The following HASPIN variants were observed in gnomAD, a reference collection of about 807,000 sequenced individuals.
The protein encoded by HASPIN is histone H3 associated protein kinase, also known as serine/threonine-protein kinase haspin.
A neutral mutation model predicts 28.8 loss-of-function variants in HASPIN; 24 were observed. The ratio of observed to expected loss-of-function variants is 0.83; its 90% CI spans 0.60 to 1.17. The LOEUF (loss-of-function observed/expected upper bound fraction) is 1.17, where lower values mean the gene tolerates loss of function less well. HASPIN is among the 50% of genes most tolerant of loss of function. The pLI is 0.00. For missense variants in HASPIN, 1,016 were observed against 1,018.5 expected, an observed-to-expected ratio of 1.00 and a Z score of 0.03; for synonymous variants, 440 against 413.1, an observed-to-expected ratio of 1.07 and a Z score of -0.79.
rs763631141 is a variant in HASPIN at position 3,726,607 on chromosome 17, C to G, written c.*275C>G. ...ACTCGGGAGGCTGAGGCAGGAGGAT[C>G]GCTTGAGCCCAAGAGTTCATATCTA... On this transcript the variant is annotated 3_prime_UTR_variant, in exon 1 of 1. Coordinates refer to ENST00000325418, the MANE Select transcript of HASPIN (RefSeq NM_031965.2). The G allele has an allele frequency of 1.5e-5, 6 of 402,146 alleles. No homozygotes were observed. In the East Asian group the frequency reaches 2.5e-4, roughly 17 times the overall value. The allele number at this position is 402,146 out of a possible 1,614,324, so 24.9% of individuals were successfully genotyped here.
Position 3,724,951 on chromosome 17 carries a change from A to G in HASPIN, c.1016A>G (p.Lys339Arg), listed in dbSNP as rs746776381. 7.4e-6 allele frequency: 12 copies of G among 1,613,890 alleles called. No individual in the cohort carries two copies. Among genetic ancestry groups the G allele is most frequent in the Non-Finnish European group, 1.0e-5 (12 of 1,179,868 alleles). Residue 339 changes from lysine (K) to arginine (R), a missense_variant, in exon 1 of 1, where the codon AAG becomes AGG. Around this residue, in one of 3 missense-constraint regions of HASPIN, gnomAD observed 881 missense variants for 845.5 expected, o/e 1.04. Coordinates refer to ENST00000325418, the MANE Select transcript of HASPIN (RefSeq NM_031965.2). ...DRLERTRSSRKSKHQEATETS... is the reference protein window; with the variant it reads ...DRLERTRSSRRSKHQEATETS... ...CTGGAGAGAACTAGATCAAGCCGGA[A>G]GAGCAAACATCAGGAGGCAACGGAA... is the stretch of plus-strand genomic sequence containing the variant.
chr17:3,725,540 GATC>G lies in HASPIN; in HGVS notation c.1612_1614del (p.Ile538del), dbSNP rs775508010. 2.5e-6 allele frequency: 4 copies of G among 1,614,238 alleles called. No individual in the cohort carries two copies. The highest frequency in any genetic ancestry group is 1.1e-5 in the South Asian group (1 of 91,078). ...AAACCTTTGAGGAAATCCTGCCAGA[GATC>G]ATCATCTCCAAAGAGTTGAGCCTCT... is the stretch of plus-strand genomic sequence containing the variant. On this transcript the variant is annotated inframe_deletion, in exon 1 of 1. Transcript: ENST00000325418.
At position 3,724,898 on chromosome 17, in the gene HASPIN, C is replaced by T. The variant is rs752198277; in HGVS notation, c.963C>T (p.Gly321=). The T allele has an allele frequency of 3.7e-6, 6 of 1,613,500 alleles. No homozygotes were observed. The highest frequency in any genetic ancestry group is 1.1e-5 in the South Asian group (1 of 91,010). The change falls in exon 1 of 1, where the codon GGC becomes GGT. Residue 321 remains glycine, a synonymous_variant. Transcript: ENST00000325418. The part of the protein sequence containing the change: ...REHQEASVPK[G]RIVPRGIDRL... ...ATCAGGAGGCCAGTGTTCCCAAGGG[C>T]CGCATTGTGCCAAGGGGAATAGACA...
Position 3,725,784 on chromosome 17 carries a change from A to T in HASPIN, c.1849A>T (p.Thr617Ser). ...AGGGATTGACTTAGAGCAAATGCGA[A>T]CCAAGTTGTCTTCCTTGGCTACTGC... ...FGGIDLEQMR[T>S]KLSSLATAKS... The change falls in exon 1 of 1, where the codon ACC becomes TCC. Residue 617 changes from threonine to serine, a missense_variant. Around this residue, in one of 3 missense-constraint regions of HASPIN, gnomAD observed 881 missense variants for 845.5 expected, o/e 1.04. Coordinates refer to ENST00000325418, the MANE Select transcript of HASPIN (RefSeq NM_031965.2). 6.2e-7 allele frequency: 1 copy of T among 1,603,942 alleles called. No individual in the cohort carries two copies. Among genetic ancestry groups the T allele is most frequent in the Non-Finnish European group, 8.5e-7 (1 of 1,173,386 alleles).
rs865794244 is a variant in HASPIN at position 3,724,570 on chromosome 17, T to G, written c.635T>G (p.Leu212Arg). The change falls in exon 1 of 1, where the codon CTG becomes CGG. Residue 212 changes from leucine to arginine, a missense_variant. Coordinates refer to ENST00000325418, the MANE Select transcript of HASPIN (RefSeq NM_031965.2). ...GGCCTCCACCTCCCAGAAGTCTCCC[T>G]GGACCGAGCATCTCTCCCCTGCTCC... is the stretch of plus-strand genomic sequence containing the variant. Reference protein sequence around the residue: ...PSGLHLPEVSLDRASLPCSQE... With the variant: ...PSGLHLPEVSRDRASLPCSQE... 2.5e-6 allele frequency: 4 copies of G among 1,614,012 alleles called. No individual in the cohort carries two copies. In the African/African-American group the frequency reaches 4.0e-5, roughly 16 times the overall value.
Position 3,725,710 on chromosome 17 carries a change from AT to A in HASPIN, c.1782del (p.Phe594LeufsTer19), listed in dbSNP as rs1199479648. On this transcript the variant is annotated frameshift_variant, in exon 1 of 1. Transcript: ENST00000325418. LOFTEE classifies it high-confidence loss of function. The stretch of plus-strand genomic sequence containing the variant: ...AAAGGCTCTGCAAATGACCGGCCTG[AT>A]TTTTTTAAAGACGACCAGCTCTTCA... Reference protein sequence around the residue: ...STKGSANDRPDFFKDDQLFIV... With the variant: ...STKGSANDRPXFFKDDQLFIV... 3.2e-6 allele frequency: 5 copies of A among 1,574,142 alleles called. No individual in the cohort carries two copies. The highest frequency in any genetic ancestry group is 1.8e-5 in the Admixed American group (1 of 54,116).
chr17:3,723,950 C>T lies in HASPIN; in HGVS notation c.15C>T (p.Leu5=). The change falls in exon 1 of 1, where the codon CTC becomes CTT. Residue 5 remains leucine (L), a synonymous_variant. Coordinates refer to ENST00000325418, the MANE Select transcript of HASPIN (RefSeq NM_031965.2). ...GGGTGCCGGCCATGGCGGCTTCGCT[C>T]CCGGGACCTGGGAGCCGGCTTTTCC... MAAS[L]PGPGSRLFRT... The T allele has an allele frequency of 1.9e-6, 3 of 1,561,368 alleles. No individual in the cohort carries two copies. The highest frequency in any genetic ancestry group is 2.6e-6 in the Non-Finnish European group (3 of 1,153,014).
At position 3,726,001 on chromosome 17, in the gene HASPIN, C is replaced by A; in HGVS notation, c.2066C>A (p.Thr689Asn). The change falls in exon 1 of 1, where the codon ACC (threonine) becomes AAC (asparagine). Residue 689 changes from threonine (T) to asparagine (N), a missense_variant. Transcript: ENST00000325418. ...CGLQVSIIDY[T>N]LSRLERDGIV... ...TTGCAAGTGAGCATCATTGACTACACCCTGTCGCGCTTGGAACGGGATGGG... is the reference window on the plus strand; with the variant it reads ...TTGCAAGTGAGCATCATTGACTACAACCTGTCGCGCTTGGAACGGGATGGG... The A allele has an allele frequency of 1.2e-6, 2 of 1,613,958 alleles. No individual in the cohort carries two copies. The highest frequency in any genetic ancestry group is 8.5e-7 in the Non-Finnish European group (1 of 1,180,034).
At position 3,724,130 on chromosome 17, in the gene HASPIN, T is replaced by TCCCGACGAC; in HGVS notation, c.202_210dup (p.Asp68_Asp70dup). 1 of 1,594,696 alleles carries TCCCGACGAC rather than the reference T, an allele frequency of 6.3e-7. No homozygotes were observed. Among genetic ancestry groups the TCCCGACGAC allele is most frequent in the Non-Finnish European group, 8.5e-7 (1 of 1,177,522 alleles). ...CCTCGCAGTCCGACGATCCTGACGA[T>TCCCGACGAC]CCCGACGACCCCGACTTCCCCGGCA... On this transcript the variant is annotated inframe_insertion, in exon 1 of 1. Coordinates refer to ENST00000325418, the MANE Select transcript of HASPIN (RefSeq NM_031965.2).
rs781098300 is a variant in HASPIN, at chr17:3,724,963, A to G, written c.1028A>G (p.Gln343Arg). ...AGATCAAGCCGGAAGAGCAAACATC[A>G]GGAGGCAACGGAAACCTCTCTCCTC... ...RTRSSRKSKH[Q>R]EATETSLLHS... The change falls in exon 1 of 1, where the codon CAG (glutamine) becomes CGG (arginine). Residue 343 changes from glutamine to arginine, a missense_variant. Transcript: ENST00000325418. 6 of 1,614,176 alleles carry G rather than the reference A, an allele frequency of 3.7e-6. No individual in the cohort carries two copies. The highest frequency in any genetic ancestry group is 4.2e-6 in the Non-Finnish European group (5 of 1,180,042).
rs2143008073 is a variant in HASPIN, at chr17:3,724,353, A to C, written c.418A>C (p.Ser140Arg). Residue 140 changes from serine (S) to arginine (R), a missense_variant, in exon 1 of 1, where the codon AGC becomes CGC. By Grantham distance (110) the Ser-to-Arg change is moderately radical (BLOSUM62 -1). This residue lies in a region of HASPIN where 881 missense variants were observed against 845.5 expected (regional missense o/e 1.04). Coordinates refer to ENST00000325418, the MANE Select transcript of HASPIN (RefSeq NM_031965.2). ...CCCGCTCCGACTTCCGCCCTTCCCCAGCCGCGACTCCGGCCGCCTCAGCCC... is the reference window on the plus strand; with the variant it reads ...CCCGCTCCGACTTCCGCCCTTCCCCCGCCGCGACTCCGGCCGCCTCAGCCC... ...CGPLRLPPFP[S>R]RDSGRLSPDL... The C allele has an allele frequency of 6.3e-7, 1 of 1,599,690 alleles. No homozygotes were observed. Among genetic ancestry groups the C allele is most frequent in the African/African-American group, 1.3e-5 (1 of 74,720 alleles).
rs1253028706 is a variant in HASPIN at position 3,725,698 on chromosome 17, A to G, written c.1763A>G (p.Asn588Ser). The change falls in exon 1 of 1, where the codon AAT becomes AGT. Residue 588 changes from asparagine to serine, a missense_variant. Physicochemically the swap from Asn to Ser is conservative, Grantham distance 46 (BLOSUM62 1). Coordinates refer to ENST00000325418, the MANE Select transcript of HASPIN (RefSeq NM_031965.2). ...TATAATTCAACCAAAGGCTCTGCAA[A>G]TGACCGGCCTGATTTTTTTAAAGAC... The part of the protein sequence containing the change: ...DHYNSTKGSA[N>S]DRPDFFKDDQ... 6.3e-7 allele frequency: 1 copy of G among 1,576,058 alleles called. No individual in the cohort carries two copies. The highest frequency in any genetic ancestry group is 8.6e-7 in the Non-Finnish European group (1 of 1,161,716).
In HASPIN at chr17:3,723,955, G is replaced by C. The variant is rs772739493; in HGVS notation, c.20G>C (p.Gly7Ala). 3.2e-6 allele frequency: 5 copies of C among 1,567,146 alleles called. No homozygotes were observed. Among genetic ancestry groups the C allele is most frequent in the Non-Finnish European group, 4.3e-6 (5 of 1,155,768 alleles). Residue 7 changes from glycine (G) to alanine (A), a missense_variant, in exon 1 of 1, where the codon GGA becomes GCA. Transcript: ENST00000325418. ...CCGGCCATGGCGGCTTCGCTCCCGG[G>C]ACCTGGGAGCCGGCTTTTCCGCACA... Reference protein sequence around the residue: MAASLPGPGSRLFRTYG... With the variant: MAASLPAPGSRLFRTYG...
rs1188629899 is a variant in HASPIN, at chr17:3,725,484, G to A, written c.1549G>A (p.Gly517Arg). 8 of 1,614,180 alleles carry A rather than the reference G, an allele frequency of 5.0e-6. No individual in the cohort carries two copies. Among genetic ancestry groups the A allele is most frequent in the Non-Finnish European group, 6.8e-6 (8 of 1,180,030 alleles). Reference protein sequence around the residue: ...PVAIKIIAIEGPDLVNGSHQK... With the variant: ...PVAIKIIAIERPDLVNGSHQK... ...AGCCATAAAAATCATTGCTATTGAA[G>A]GACCAGATTTAGTCAATGGATCCCA... The change falls in exon 1 of 1, where the codon GGA (glycine) becomes AGA (arginine). Residue 517 changes from glycine (G) to arginine (R), a missense_variant. By Grantham distance (125) the Gly-to-Arg change is moderately radical. This residue lies in a region of HASPIN where 881 missense variants were observed against 845.5 expected (regional missense o/e 1.04). Transcript: ENST00000325418.
chr17:3,723,989 T>C lies in HASPIN; in HGVS notation c.54T>C (p.Ala18=). The part of the protein sequence containing the change: ...PGSRLFRTYG[A]ADGRRQRRPG... ...GCCGGCTTTTCCGCACATATGGGGC[T>C]GCGGACGGCAGGAGACAGCGGCGGC... Residue 18 remains alanine (A), a synonymous_variant, in exon 1 of 1, where the codon GCT becomes GCC. Transcript: ENST00000325418. The C allele has an allele frequency of 6.3e-7, 1 of 1,593,938 alleles. No individual in the cohort carries two copies. Among genetic ancestry groups the C allele is most frequent in the Non-Finnish European group, 8.5e-7 (1 of 1,172,382 alleles).
rs772337704 is a variant in HASPIN, at chr17:3,725,558, G to A, written c.1623G>A (p.Glu541=). 120 of 1,614,112 alleles carry A rather than the reference G, an allele frequency of 7.4e-5. No homozygotes were observed. Among genetic ancestry groups the A allele is most frequent in the Non-Finnish European group, 1.0e-4 (119 of 1,180,054 alleles). ...EILPEIIISK[E]LSLLSGEVCN... ...TGCCAGAGATCATCATCTCCAAAGA[G>A]TTGAGCCTCTTATCCGGTGAAGTGT... Residue 541 remains glutamate (E), a synonymous_variant, in exon 1 of 1, where the codon GAG becomes GAA. Transcript: ENST00000325418.
chr17:3,725,772 G>A lies in HASPIN; in HGVS notation c.1837G>A (p.Glu613Lys), dbSNP rs770822659. ...ATTTGAGTTTGGAGGGATTGACTTAGAGCAAATGCGAACCAAGTTGTCTTC... is the reference window on the plus strand; with the variant it reads ...ATTTGAGTTTGGAGGGATTGACTTAAAGCAAATGCGAACCAAGTTGTCTTC... Reference protein sequence around the residue: ...LEFEFGGIDLEQMRTKLSSLA... With the variant: ...LEFEFGGIDLKQMRTKLSSLA... The change falls in exon 1 of 1, where the codon GAG becomes AAG. Residue 613 changes from glutamate (E) to lysine (K), a missense_variant. Physicochemically the swap from Glu to Lys is moderately conservative, Grantham distance 56. Coordinates refer to ENST00000325418, the MANE Select transcript of HASPIN (RefSeq NM_031965.2). 6.2e-7 allele frequency: 1 copy of A among 1,600,716 alleles called. No individual in the cohort carries two copies. The highest frequency in any genetic ancestry group is 1.7e-5 in the Admixed American group (1 of 58,708).
rs778525365 is a variant in HASPIN, at chr17:3,725,251, C to T, written c.1316C>T (p.Ser439Phe). ...TSGAPSSWHSSSMYLLSPLNT... is the reference protein window; with the variant it reads ...TSGAPSSWHSFSMYLLSPLNT... ...GGTGCTCCGTCCTCTTGGCACTCCT[C>T]CTCTATGTATTTGCTAAGCCCCTTA... Residue 439 changes from serine (S) to phenylalanine (F), a missense_variant, in exon 1 of 1, where the codon TCC (serine) becomes TTC (phenylalanine). By Grantham distance (155) the Ser-to-Phe change is radical. Around this residue, in one of 3 missense-constraint regions of HASPIN, gnomAD observed 881 missense variants for 845.5 expected, o/e 1.04. Coordinates refer to ENST00000325418, the MANE Select transcript of HASPIN (RefSeq NM_031965.2). 8 of 1,614,098 alleles carry T rather than the reference C, an allele frequency of 5.0e-6. No individual in the cohort carries two copies. The highest frequency in any genetic ancestry group is 2.2e-5 in the East Asian group (1 of 44,896).
Position 3,726,407 on chromosome 17 carries a change from C to A in HASPIN, c.*75C>A. ...CTCTGGTGCTGTTTCAACCTCCATC[C>A]CCACAGGAGGGTGGAACTCCCATTC... On this transcript the variant is annotated 3_prime_UTR_variant, in exon 1 of 1. Coordinates refer to ENST00000325418, the MANE Select transcript of HASPIN (RefSeq NM_031965.2). 1 of 955,826 alleles carries A rather than the reference C, an allele frequency of 1.0e-6. No homozygotes were observed. Among genetic ancestry groups the A allele is most frequent in the Non-Finnish European group, 1.6e-6 (1 of 627,574 alleles). 59.2% of individuals were successfully genotyped at this position (955,826 alleles called of 1,614,324 possible). A position where few individuals can be genotyped will look rare whatever the true frequency, so the allele number is the denominator to read the frequency against.
Sources: allele counts gnomAD v4.1 joint callset, GRCh38; gene constraint gnomAD v4.1.1; regional missense constraint gnomAD v4.1.1; transcripts MANE v1.5; gene names NCBI Gene and HGNC (gene_info 2026-07-23, HGNC 2026-07-21).